LIN28B: variants seen among roughly 807,000 people sequenced by gnomAD.
LIN28B encodes protein lin-28 homolog B.
A neutral mutation model predicts 21.9 loss-of-function variants in LIN28B; 5 were observed. The observed-to-expected ratio is 0.23, with a 90% CI of 0.12 to 0.48. LIN28B has a LOEUF of 0.48. Among genes scored for constraint, LIN28B ranks in the 20% least tolerant of loss-of-function variants. LIN28B has a pLI of 0.98. For missense variants in LIN28B, 245 were observed against 310.5 expected (o/e 0.79, Z 1.58); for synonymous variants, 109 against 111.3 (o/e 0.98, Z 0.13).
At position 105,026,414 on chromosome 6, in the gene LIN28B, C is replaced by T; in HGVS notation, c.315C>T (p.Ser105=). ...TACGGGTAACAGGACCTGGTGGGAG[C>T]CCCTGTTTAGGAAGTGAAAGAAGAC... is the stretch of plus-strand genomic sequence containing the variant. ...ESIRVTGPGG[S]PCLGSERRPK... is the part of the protein sequence containing the mutation. The change falls in exon 3 of 4, where the codon AGC becomes AGT. Residue 105 remains serine, a synonymous_variant. Transcript: ENST00000345080. 6.2e-7 allele frequency: 1 copy of T among 1,610,256 alleles called. No homozygotes were observed. Among genetic ancestry groups the T allele is most frequent in the Non-Finnish European group, 8.5e-7 (1 of 1,177,736 alleles).
At chr6:105,043,046 A>G (rs1771668851) in intron 3 of LIN28B, among the ~76,000 whole-genome samples, 1 of 152,188 alleles carries the variant, frequency 6.6e-6, no homozygotes, top group Admixed American at 6.5e-5. Context: ...GCTCACTGGA[A>G]GAATATATTC....
intron 2 of LIN28B, among the ~76,000 whole-genome samples, chr6:104,993,944 T>A (rs1009007739): frequency 2.6e-5 from 4 of 152,002 alleles, no homozygotes; most frequent in African/African-American, 9.7e-5. Flanking sequence ...TCTTAAATAG[T>A]ATTGAGCAGA....
At chr6:105,015,491 T>G (rs1463110876) in intron 2 of LIN28B, among the ~76,000 whole-genome samples, 4 of 152,118 alleles carry the variant, frequency 2.6e-5, no homozygotes, top group African/African-American at 9.7e-5. Context: ...ATCTCTGCAT[T>G]TTCGTTGGAG....
intron 2 of LIN28B, among the ~76,000 whole-genome samples, chr6:104,942,670 A>G (rs1778110601): frequency 2.6e-5 from 4 of 152,128 alleles, no homozygotes. Flanking sequence ...CTGCCAAATT[A>G]TTTATCTTTG....
intron 3 of LIN28B, among the ~76,000 whole-genome samples, chr6:105,033,145 CT>C (rs1771458269): frequency 1.3e-5 from 2 of 152,138 alleles, no homozygotes; most frequent in Non-Finnish European, 1.5e-5. Context: ...AGGTTCATTT[CT>C]GCCATGTGTA....
intron 3 of LIN28B, among the ~76,000 whole-genome samples, chr6:105,037,928 T>C (rs10457125): frequency 0.092 from 14,016 of 152,116 alleles, 716 homozygotes; most frequent in Admixed American, 0.15. Flanking sequence ...AAATTGTCTA[T>C]CTGTAGAGAA....
At chr6:104,953,314 TG>T (rs1330275409), upstream of LIN28B, among the ~76,000 whole-genome samples, 1 of 151,830 alleles carries the variant, frequency 6.6e-6, no homozygotes, top group Non-Finnish European at 1.5e-5. Context: ...CATGGCCCGG[TG>T]GGGGTGGGGG....
upstream of LIN28B, among the ~76,000 whole-genome samples, chr6:104,953,023 C>T (rs753092857): frequency 1.3e-5 from 2 of 152,214 alleles, no homozygotes; most frequent in Non-Finnish European, 2.9e-5. Context: ...TTGCATTTGT[C>T]TCCATGTCGT....
At chr6:105,059,496 A>G (rs1772085026) in intron 3 of LIN28B, among the ~76,000 whole-genome samples, 1 of 152,172 alleles carries the variant, frequency 6.6e-6, no homozygotes, top group African/African-American at 2.4e-5. Context: ...GTCTCCAGAG[A>G]TGCACATCCA....
chr6:105,026,147 A>T, intron 2 of LIN28B, 151 bp from the exon 3 acceptor site: 1 of 436,100 alleles, frequency 2.3e-6, no homozygotes, highest in Non-Finnish European at 4.0e-6. Flanking sequence ...AAGAAACTTT[A>T]AAATGGTATA....
At chr6:105,015,560 C>T (rs1045273244) in intron 2 of LIN28B, among the ~76,000 whole-genome samples, 1 of 151,970 alleles carries the variant, frequency 6.6e-6, no homozygotes, top group Non-Finnish European at 1.5e-5. Context: ...TTAGATCTAT[C>T]GTTTTGATAT....
intron 3 of LIN28B, among the ~76,000 whole-genome samples, chr6:105,043,741 CCTG>C (rs1249911980): frequency 2.0e-5 from 3 of 151,820 alleles, no homozygotes; most frequent in African/African-American, 7.3e-5. Flanking sequence ...ACCACCATGC[CCTG>C]CTAATTTTGT....
intron 2 of LIN28B, among the ~76,000 whole-genome samples, chr6:104,945,528 C>A (rs537611763): frequency 6.6e-6 from 1 of 152,140 alleles, no homozygotes; most frequent in African/African-American, 2.4e-5. Flanking sequence ...ATCAAAAAGC[C>A]ACTTTAAAGT....
At chr6:105,040,298 G>T (rs1425625805) in intron 3 of LIN28B, among the ~76,000 whole-genome samples, 1 of 151,892 alleles carries the variant, frequency 6.6e-6, no homozygotes, top group Non-Finnish European at 1.5e-5. Context: ...GACTTTTTGT[G>T]TACTTTCCTC....
chr6:104,948,422 G>A (rs937617056), intron 2 of LIN28B, among the ~76,000 whole-genome samples: 1 of 152,058 alleles, frequency 6.6e-6, no homozygotes, highest in Admixed American at 6.6e-5. Context: ...AGCCTAGATT[G>A]CACCATTGCA....
At chr6:104,958,696 GTA>G (rs1769640592) in intron 2 of LIN28B, among the ~76,000 whole-genome samples, 1 of 152,168 alleles carries the variant, frequency 6.6e-6, no homozygotes, top group South Asian at 2.1e-4. Flanking sequence ...GGAAAGAAAT[GTA>G]TAGATTGCCT....
At chr6:105,041,638 A>G (rs1287153107) in intron 3 of LIN28B, among the ~76,000 whole-genome samples, 1 of 152,188 alleles carries the variant, frequency 6.6e-6, no homozygotes, top group African/African-American at 2.4e-5. Context: ...GACTGGAGGT[A>G]TAGTGGTCAT....
At chr6:104,947,857 G>A (rs1778175219) in intron 2 of LIN28B, among the ~76,000 whole-genome samples, 1 of 149,760 alleles carries the variant, frequency 6.7e-6, no homozygotes, top group Non-Finnish European at 1.5e-5. Flanking sequence ...AAAATATAAT[G>A]AATACAAAAT....
At chr6:104,997,301 GAAAAA>G (rs144402657) in intron 2 of LIN28B, among the ~76,000 whole-genome samples, 14,397 of 146,136 alleles carry the variant, frequency 0.099, 745 homozygotes, top group Middle Eastern at 0.12. Flanking sequence ...AAAAAGAAAA[GAAAAA>G]GAAAAGAAAA....
Sources: gnomAD v4.1 joint callset for allele counts (sites outside exome capture counted in the v4.1 genomes callset) on GRCh38, gnomAD v4.1.1 for gene constraint, MANE v1.5 for transcripts, NCBI Gene and HGNC (gene_info 2026-07-23, HGNC 2026-07-21) for gene names.